Variants in GPHN observed in about 807,000 individuals in gnomAD.
GPHN encodes gephyrin.
GPHN carries 17 observed loss-of-function variants against 95.5 expected under a neutral mutation model. The observed-to-expected ratio is 0.18, with a 90% confidence interval of 0.12 to 0.27. The LOEUF (loss-of-function observed/expected upper bound fraction) is 0.27. Ranked by LOEUF, GPHN falls within the 10% of genes least tolerant of loss-of-function variation. The probability of loss-of-function intolerance (pLI) is 1.00; values close to 1 mark genes in which losing one functional copy is unlikely to be tolerated. For missense variants in GPHN, 660 were observed against 978.1 expected (o/e 0.67, Z 4.34); for synonymous variants, 320 against 322.5 (o/e 0.99, Z 0.08).
intron 2 of GPHN, among the ~76,000 whole-genome samples, chr14:66,689,694 T>G (rs1414738871): frequency 6.6e-6 from 1 of 152,168 alleles, no homozygotes; most frequent in African/African-American, 2.4e-5. Flanking sequence ...TTTTTAAAAT[T>G]ACAAATTTAG....
At chr14:66,681,768 A>G (rs6573702) in intron 2 of GPHN, among the ~76,000 whole-genome samples, 1 of 151,644 alleles carries the variant, frequency 6.6e-6, no homozygotes, top group Non-Finnish European at 1.5e-5. Context: ...TATTTCATAA[A>G]TTTTTTTTAC....
At chr14:67,395,673 G>A in the GPHN span, 1 of 1,033,660 alleles carries the variant, frequency 9.7e-7, no homozygotes, top group African/African-American at 1.6e-5. Flanking sequence ...GGAGAATCTA[G>A]GTGACAGTGA....
chr14:67,714,390 G>A, the GPHN span, among the ~76,000 whole-genome samples: 27 of 152,112 alleles, frequency 1.8e-4, 1 homozygote, highest in South Asian at 5.6e-3. Context: ...TCCTGCCTTG[G>A]CCTCCCAAAA....
chr14:67,354,397 CTAATATA>C, the GPHN span, among the ~76,000 whole-genome samples: 1 of 152,136 alleles, frequency 6.6e-6, no homozygotes, highest in Admixed American at 6.5e-5. Flanking sequence ...AATCTATCCA[CTAATATA>C]TATCAAAATT....
At chr14:66,798,087 G>A (rs1343617580) in intron 3 of GPHN, among the ~76,000 whole-genome samples, 1 of 151,754 alleles carries the variant, frequency 6.6e-6, no homozygotes, top group Non-Finnish European at 1.5e-5. Context: ...ATGATCATAT[G>A]GTTTTCCCCA....
At chr14:67,689,939 C>T in the GPHN span, 7 of 352,452 alleles carry the variant, frequency 2.0e-5, no homozygotes, top group Admixed American at 2.1e-4. Flanking sequence ...AGCAAGATCC[C>T]GTCTCAAAAA....
At chr14:66,551,866 C>A (rs2059824918) in intron 1 of GPHN, among the ~76,000 whole-genome samples, 1 of 152,084 alleles carries the variant, frequency 6.6e-6, no homozygotes, top group Non-Finnish European at 1.5e-5. Flanking sequence ...AGGGGGAATC[C>A]ATCTCCATGA....
the GPHN span, among the ~76,000 whole-genome samples, chr14:67,221,452 G>A: frequency 6.6e-6 from 1 of 152,210 alleles, no homozygotes; most frequent in African/African-American, 2.4e-5. Context: ...AGCCTGATAA[G>A]GGAAGGACAA....
At chr14:66,715,519 G>A (rs1298273136) in intron 2 of GPHN, among the ~76,000 whole-genome samples, 1 of 151,894 alleles carries the variant, frequency 6.6e-6, no homozygotes, top group Non-Finnish European at 1.5e-5. Flanking sequence ...TCTTCTGCTG[G>A]TTTTAGGTTT....
the GPHN span, chr14:67,555,968 G>A: frequency 2.1e-5 from 33 of 1,546,658 alleles, no homozygotes; most frequent in Non-Finnish European, 2.7e-5. Flanking sequence ...GACACAGGTG[G>A]ACACATACAT....
chr14:67,505,677 G>T, the GPHN span, among the ~76,000 whole-genome samples: 1 of 151,868 alleles, frequency 6.6e-6, no homozygotes. Context: ...GGCTGAGGAA[G>T]GAGCAATGAT....
At chr14:67,150,547 T>C (rs1205440266) in intron 18 of GPHN, among the ~76,000 whole-genome samples, 1 of 151,754 alleles carries the variant, frequency 6.6e-6, no homozygotes, top group Non-Finnish European at 1.5e-5. Flanking sequence ...TCTTAAATAT[T>C]ATATAGGAAA....
chr14:67,179,311 A>G (rs915799029), intron 21 of GPHN, among the ~76,000 whole-genome samples: 2 of 152,184 alleles, frequency 1.3e-5, no homozygotes, highest in African/African-American at 4.8e-5. Flanking sequence ...ACTGGAGCCC[A>G]GGAGGTCAAG....
At chr14:66,708,293 A>C (rs371925045) in intron 2 of GPHN, among the ~76,000 whole-genome samples, 1 of 152,164 alleles carries the variant, frequency 6.6e-6, no homozygotes, top group African/African-American at 2.4e-5. Context: ...GCCTTCCAAC[A>C]ATTGTGAATA....
At chr14:66,819,302 A>G (rs1042885953) in intron 3 of GPHN, among the ~76,000 whole-genome samples, 1 of 152,184 alleles carries the variant, frequency 6.6e-6, no homozygotes, top group Non-Finnish European at 1.5e-5. Flanking sequence ...AATTTTCTGC[A>G]TATGGCTAGC....
chr14:66,646,621 C>T (rs1005262652), intron 1 of GPHN, among the ~76,000 whole-genome samples: 1 of 151,790 alleles, frequency 6.6e-6, no homozygotes, highest in Non-Finnish European at 1.5e-5. Context: ...ATGAAATAAG[C>T]CAGCAAGAAG....
intron 1 of GPHN, among the ~76,000 whole-genome samples, chr14:66,568,690 T>C (rs2060555798): frequency 6.6e-6 from 1 of 152,118 alleles, no homozygotes; most frequent in African/African-American, 2.4e-5. Context: ...AAAAGCCTAC[T>C]TGAACTACTT....
At chr14:66,658,230 G>A (rs1331107762) in intron 1 of GPHN, among the ~76,000 whole-genome samples, 2 of 152,110 alleles carry the variant, frequency 1.3e-5, no homozygotes, top group African/African-American at 4.8e-5. Context: ...GCAATCTCAT[G>A]ATAAAATTTT....
chr14:67,108,711 G>T (rs1484693268), intron 13 of GPHN, among the ~76,000 whole-genome samples: 1 of 121,796 alleles, frequency 8.2e-6, no homozygotes, highest in Non-Finnish European at 1.7e-5. Context: ...ATTCCCTAAG[G>T]GGTGTGTGTG....
Sources: allele counts gnomAD v4.1 joint callset (sites outside exome capture counted in the v4.1 genomes callset), GRCh38; gene constraint gnomAD v4.1.1; transcripts MANE v1.5; gene names NCBI Gene and HGNC (gene_info 2026-07-23, HGNC 2026-07-21).